The following THADA variants were observed in gnomAD, a reference collection of about 807,000 sequenced individuals.
THADA encodes the protein tRNA (32-2'-O)-methyltransferase regulator THADA.
Under a neutral mutation model 219.8 loss-of-function variants are expected in THADA, and 213 were observed. The ratio of observed to expected loss-of-function variants is 0.97; its 90% CI spans 0.87 to 1.09. The LOEUF (loss-of-function observed/expected upper bound fraction) is 1.09. Ranked by LOEUF, THADA falls within the 50% of genes least tolerant of loss-of-function variation. The pLI is 0.00. For synonymous variants in THADA, 1,018 were observed against 828.9 expected (o/e 1.23, Z -3.92); for missense variants, 2,956 against 2,311.3 (o/e 1.28, Z -5.72).
chr2:43,489,874 C>CAAAAAAAAAAA lies in THADA; in HGVS notation c.3745-4560_3745-4550dup, dbSNP rs201735523. Among the ~76,000 whole-genome samples the CAAAAAAAAAAA allele has an allele frequency of 7.8e-4, 44 of 56,058 alleles. 2 individuals are homozygous for CAAAAAAAAAAA. The highest frequency in any genetic ancestry group is 2.6e-3 in the African/African-American group (39 of 15,018). The allele number at this position is 56,058 out of a possible 152,430, so 36.8% of individuals were successfully genotyped here. A position where few individuals can be genotyped will look rare whatever the true frequency, so the allele number is the denominator to read the frequency against. ...ATTTCCATATGTATTTTAAGATCTG[C>CAAAAAAAAAAA]AAAAAAAAAAAAAAAAAAAAGCTAG... On this transcript the variant is annotated intron_variant, in intron 25 of 37. Coordinates refer to ENST00000405975, the MANE Select transcript of THADA (RefSeq NM_022065.5).
chr2:43,543,218 G>A (rs1695558013), intron 20 of THADA, among the ~76,000 whole-genome samples: 1 of 140,526 alleles, frequency 7.1e-6, no homozygotes. Context: ...CATTTTTTAT[G>A]GCTGCATAGT....
chr2:43,258,396 C>A (rs1228959028), intron 36 of THADA, among the ~76,000 whole-genome samples: 3 of 151,972 alleles, frequency 2.0e-5, no homozygotes, highest in African/African-American at 7.3e-5. Flanking sequence ...GTGGTGGGTC[C>A]CTGTAATCCC....
chr2:43,502,584 C>CAAAAAAAAAAAAAAAAAAAAAAAAAAA (rs1172070049), intron 24 of THADA, among the ~76,000 whole-genome samples: 1 of 74,202 alleles, frequency 1.3e-5, no homozygotes. Context: ...GACCTCGTCT[C>CAAAAAAAAAAAAAAAAAAAAAAAAAAA]AAAAAAAAAA....
At chr2:43,297,495 A>G (rs1200346528) in intron 31 of THADA, among the ~76,000 whole-genome samples, 1 of 81,908 alleles carries the variant, frequency 1.2e-5, no homozygotes, top group Non-Finnish European at 2.2e-5. Context: ...TCCGGGAGGG[A>G]GGTGGGCGGT....
intron 29 of THADA, among the ~76,000 whole-genome samples, chr2:43,384,462 TAAGA>T (rs1672402770): frequency 6.6e-6 from 1 of 152,214 alleles, no homozygotes; most frequent in Non-Finnish European, 1.5e-5. Context: ...TAATTTACTC[TAAGA>T]GTTTCCTTTG....
At chr2:43,492,342 G>C (rs1687742912) in intron 25 of THADA, 1 of 151,680 alleles carries the variant, frequency 6.6e-6, no homozygotes, top group Non-Finnish European at 1.5e-5. Context: ...AGAACAGTTT[G>C]GTAATTAAAA....
At chr2:43,262,765 T>A (rs1671103024) in intron 36 of THADA, among the ~76,000 whole-genome samples, 1 of 152,244 alleles carries the variant, frequency 6.6e-6, no homozygotes, top group Non-Finnish European at 1.5e-5. Flanking sequence ...CTACTCCAAG[T>A]ATGATCCCCT....
intron 13 of THADA, 144 bp downstream of exon 13, chr2:43,571,563 G>A: frequency 1.4e-6 from 1 of 717,236 alleles, no homozygotes; most frequent in Non-Finnish European, 2.2e-6. Context: ...TGAGAGAACA[G>A]GTCACAGAAC....
chr2:43,265,674 C>T (rs1401149398), intron 36 of THADA, among the ~76,000 whole-genome samples: 4 of 152,178 alleles, frequency 2.6e-5, no homozygotes, highest in Non-Finnish European at 4.4e-5. Flanking sequence ...CTATGCTGTA[C>T]AACCCCACTT....
chr2:43,570,570 T>A, intron 13 of THADA, 60 bp from the exon 14 acceptor site: 1 of 1,542,814 alleles, frequency 6.5e-7, no homozygotes, highest in Non-Finnish European at 8.7e-7. Flanking sequence ...AATGTCAGCC[T>A]GAGAGGCAAA....
intron 30 of THADA, among the ~76,000 whole-genome samples, chr2:43,334,533 T>G (rs1217909107): frequency 6.6e-6 from 1 of 152,172 alleles, no homozygotes; most frequent in Non-Finnish European, 1.5e-5. Flanking sequence ...GTCTTGTATT[T>G]CTGAGAGCCT....
At position 43,288,607 on chromosome 2, in the gene THADA, C is replaced by A. The variant is rs577304277; in HGVS notation, c.5011-1546G>T. Among the ~76,000 whole-genome samples, 6 of 152,298 alleles carry A rather than the reference C, an allele frequency of 3.9e-5. No homozygotes were observed. The South Asian group carries it at 1.2e-3, about 32-fold the overall frequency. On this transcript the variant is annotated intron_variant, in intron 34 of 37. Transcript: ENST00000405975. ...CACAGGACTTCCTCTCCCTATGGAG[C>A]TTTGGGGTGTGCCACTCTCCTGGCA...
At chr2:43,510,332 T>C (rs1428790706) in intron 22 of THADA, among the ~76,000 whole-genome samples, 1 of 152,182 alleles carries the variant, frequency 6.6e-6, no homozygotes, top group African/African-American at 2.4e-5. Flanking sequence ...AGGTCGCTTA[T>C]TATTCTCTCT....
At chr2:43,248,164 T>TATATATATAG (rs1669412946) in intron 36 of THADA, among the ~76,000 whole-genome samples, 5 of 40,934 alleles carry the variant, frequency 1.2e-4, no homozygotes, top group East Asian at 1.6e-3. Flanking sequence ...TATATATATA[T>TATATATATAG]AGAGAGAGAG....
chr2:43,543,909 C>A (rs1227893561), intron 20 of THADA, among the ~76,000 whole-genome samples: 1 of 151,850 alleles, frequency 6.6e-6, no homozygotes, highest in Admixed American at 6.6e-5. Context: ...GCTTTTGTTG[C>A]CATTGCTTTT....
chr2:43,261,627 A>C (rs1314752308), intron 36 of THADA, among the ~76,000 whole-genome samples: 2 of 127,742 alleles, frequency 1.6e-5, no homozygotes, highest in Non-Finnish European at 3.3e-5. Context: ...ATGCCTGGCT[A>C]TTGTTTTGAT....
At chr2:43,473,098 T>A (rs980405085) in intron 26 of THADA, among the ~76,000 whole-genome samples, 2 of 152,136 alleles carry the variant, frequency 1.3e-5, no homozygotes, top group Admixed American at 6.5e-5. Flanking sequence ...ATTTAAAAAA[T>A]TTTTTCCTTC....
chr2:43,548,433 C>A (rs1211522602), intron 20 of THADA, among the ~76,000 whole-genome samples: 5 of 152,350 alleles, frequency 3.3e-5, no homozygotes, highest in African/African-American at 1.2e-4. Context: ...GCAGAGGTTA[C>A]TGCTGTCTTT....
Position 43,541,133 on chromosome 2 carries a change from C to T in THADA, c.3264+26G>A, listed in dbSNP as rs375932123. 2.0e-6 allele frequency: 3 copies of T among 1,487,164 alleles called. No individual in the cohort carries two copies. In the African/African-American group the frequency reaches 4.4e-5, roughly 22 times the overall value. The allele number at this position is 1,487,164 out of a possible 1,614,324, so 92.1% of individuals were successfully genotyped here. A position where few individuals can be genotyped will look rare whatever the true frequency, so the allele number is the denominator to read the frequency against. ...ATTTATGCGTTGACCAGAAATTATA[C>T]ATGGTGGAATAAACATGTGCCTTAC... On this transcript the variant is annotated intron_variant, in intron 21 of 37. Coordinates refer to ENST00000405975, the MANE Select transcript of THADA (RefSeq NM_022065.5).
Sources: gnomAD v4.1 joint callset for allele counts (sites outside exome capture counted in the v4.1 genomes callset) on GRCh38, gnomAD v4.1.1 for gene constraint, MANE v1.5 for transcripts, NCBI Gene and HGNC (gene_info 2026-07-23, HGNC 2026-07-21) for gene names.